The following DLG2 variants were observed in gnomAD, a reference collection of about 807,000 sequenced individuals.
The protein encoded by DLG2 is discs large MAGUK scaffold protein 2, also known as disks large homolog 2.
A neutral mutation model predicts 132.5 loss-of-function variants in DLG2; 45 were observed. The ratio of observed to expected loss-of-function variants is 0.34; its 90% CI spans 0.27 to 0.44. The LOEUF (loss-of-function observed/expected upper bound fraction) is 0.44. DLG2 is among the 20% of genes least tolerant of loss of function. DLG2 has a pLI of 1.00. For synonymous variants in DLG2, 424 were observed against 419.6 expected (o/e 1.01, Z -0.13); for missense variants, 1,045 against 1,196.9 (o/e 0.87, Z 1.87).
chr11:83,940,853 G>C (rs1326062715), intron 14 of DLG2, among the ~76,000 whole-genome samples: 2 of 152,260 alleles, frequency 1.3e-5, no homozygotes, highest in Admixed American at 6.5e-5. Context: ...AGGGCCTTAC[G>C]AGTATTAGAC....
chr11:84,380,253 A>C (rs2154433741), intron 7 of DLG2, among the ~76,000 whole-genome samples: 1 of 147,652 alleles, frequency 6.8e-6, no homozygotes, highest in Admixed American at 6.6e-5. Flanking sequence ...GAGTAGCATA[A>C]GTGGGAGTCT....
chr11:85,530,502 T>G (rs2075130294), intron 3 of DLG2, among the ~76,000 whole-genome samples: 2 of 151,676 alleles, frequency 1.3e-5, no homozygotes, highest in African/African-American at 4.8e-5. Context: ...TTTGTATTTT[T>G]AGTAGAAATG....
chr11:84,418,053 T>A (rs1167717439), intron 7 of DLG2, among the ~76,000 whole-genome samples: 4 of 152,194 alleles, frequency 2.6e-5, no homozygotes, highest in African/African-American at 9.7e-5. Context: ...TTATAACTAA[T>A]CTTAAGATAA....
chr11:84,444,537 C>T (rs2154478899), intron 7 of DLG2, among the ~76,000 whole-genome samples: 1 of 151,804 alleles, frequency 6.6e-6, no homozygotes, highest in African/African-American at 2.4e-5. Flanking sequence ...AATGCTTTTC[C>T]TTTTCCTTAC....
chr11:84,082,068 G>A (rs2096912492), intron 10 of DLG2, among the ~76,000 whole-genome samples: 1 of 152,122 alleles, frequency 6.6e-6, no homozygotes, highest in African/African-American at 2.4e-5. Flanking sequence ...TTTCTCTGAT[G>A]ACCAGTGATG....
intron 6 of DLG2, among the ~76,000 whole-genome samples, chr11:85,028,399 T>G (rs1045854758): frequency 6.6e-6 from 1 of 152,154 alleles, no homozygotes; most frequent in Non-Finnish European, 1.5e-5. Flanking sequence ...AGGCCGTTCT[T>G]GGCTTGAAGG....
rs910761736 is a variant in DLG2 at position 83,822,904 on chromosome 11, T to C, written c.1722+10710A>G. ...AGTTAGCGTTAGAGGTAAGGGAGCT[T>C]GTCATGAAAGAAGGAGGCCTATACC... On this transcript the variant is annotated intron_variant, in intron 17 of 27. Coordinates refer to ENST00000376104, the MANE Select transcript of DLG2 (RefSeq NM_001142699.3). 3.5e-4 allele frequency among the ~76,000 whole-genome samples: 53 copies of C among 152,176 alleles called. 1 individual carries two copies. The highest frequency in any genetic ancestry group is 1.2e-3 in the African/African-American group (48 of 41,496).
chr11:84,175,938 G>A (rs1331882944), intron 8 of DLG2, among the ~76,000 whole-genome samples: 1 of 151,970 alleles, frequency 6.6e-6, no homozygotes, highest in Non-Finnish European at 1.5e-5. Flanking sequence ...CCGAATGTCT[G>A]GCCCAGGTGA....
intron 18 of DLG2, among the ~76,000 whole-genome samples, chr11:83,722,741 T>C (rs2088968188): frequency 6.6e-6 from 1 of 152,180 alleles, no homozygotes; most frequent in African/African-American, 2.4e-5. Flanking sequence ...GAATAAACTT[T>C]CTTAAAATCA....
At chr11:85,442,365 A>T (rs950383272) in intron 3 of DLG2, among the ~76,000 whole-genome samples, 13 of 152,192 alleles carry the variant, frequency 8.5e-5, no homozygotes, top group African/African-American at 3.1e-4. Flanking sequence ...TAGCAGTGGC[A>T]TATACAAGAA....
intron 5 of DLG2, among the ~76,000 whole-genome samples, chr11:85,113,830 A>T (rs1010107143): frequency 6.6e-6 from 1 of 151,996 alleles, no homozygotes; most frequent in Non-Finnish European, 1.5e-5. Context: ...CAAGAATTTA[A>T]TATTTGGTTT....
chr11:84,194,697 A>G (rs956325219), intron 8 of DLG2, among the ~76,000 whole-genome samples: 1 of 152,174 alleles, frequency 6.6e-6, no homozygotes, highest in African/African-American at 2.4e-5. Flanking sequence ...AAAGTTCTCC[A>G]AGTCTCAACC....
intron 4 of DLG2, among the ~76,000 whole-genome samples, chr11:85,174,212 T>G (rs2079066835): frequency 6.6e-6 from 1 of 152,166 alleles, no homozygotes; most frequent in Non-Finnish European, 1.5e-5. Context: ...ATTGATCACA[T>G]AAATGGAAGT....
chr11:84,928,958 A>ATGTGTGTGTG lies in DLG2; in HGVS notation c.357+182693_357+182702dup, dbSNP rs1186822886. Reference sequence around the variant, plus strand: ...TGCAATACTTATAATACTCTCTGATATGTGTGTGTGTGTGTGTGTGTGTGT... The same window carrying ATGTGTGTGTG: ...TGCAATACTTATAATACTCTCTGATATGTGTGTGTGTGTGTGTGTGTGTGTGTGTGTGTGT... On this transcript the variant is annotated intron_variant, in intron 6 of 27. Transcript: ENST00000376104. Among the ~76,000 whole-genome samples the ATGTGTGTGTG allele has an allele frequency of 1.8e-3, 95 of 52,854 alleles. 3 individuals are homozygous for ATGTGTGTGTG. The highest frequency in any genetic ancestry group is 5.7e-3 in the African/African-American group (67 of 11,764). The allele number at this position is 52,854 out of a possible 152,430, so 34.7% of individuals were successfully genotyped here. A position where few individuals can be genotyped will look rare whatever the true frequency, so the allele number is the denominator to read the frequency against.
chr11:84,575,441 G>A (rs1444539537), intron 6 of DLG2, among the ~76,000 whole-genome samples: 1 of 151,966 alleles, frequency 6.6e-6, no homozygotes, highest in Non-Finnish European at 1.5e-5. Context: ...AGGCAGCTTG[G>A]TATTATCCTT....
intron 8 of DLG2, among the ~76,000 whole-genome samples, chr11:84,207,755 C>T (rs1018982242): frequency 6.6e-6 from 1 of 152,110 alleles, no homozygotes; most frequent in African/African-American, 2.4e-5. Context: ...ATCCAACTCA[C>T]TAACCATAAA....
chr11:85,548,319 T>A (rs796237552), intron 3 of DLG2, among the ~76,000 whole-genome samples: 1 of 152,102 alleles, frequency 6.6e-6, no homozygotes, highest in Non-Finnish European at 1.5e-5. Flanking sequence ...CTGGTGGAGG[T>A]TGCAGAACAG....
chr11:83,950,857 A>G (rs2085234909), intron 14 of DLG2, among the ~76,000 whole-genome samples: 1 of 152,100 alleles, frequency 6.6e-6, no homozygotes, highest in African/African-American at 2.4e-5. Flanking sequence ...CATAGCTTTC[A>G]GTACTGCTCT....
chr11:85,373,949 A>G (rs905881828), intron 3 of DLG2, among the ~76,000 whole-genome samples: 1 of 152,172 alleles, frequency 6.6e-6, no homozygotes, highest in Non-Finnish European at 1.5e-5. Context: ...ATATTATGAT[A>G]GCCACTTTTC....
Sources: gnomAD v4.1 joint callset for allele counts (sites outside exome capture counted in the v4.1 genomes callset) on GRCh38, gnomAD v4.1.1 for gene constraint, MANE v1.5 for transcripts, NCBI Gene and HGNC (gene_info 2026-07-23, HGNC 2026-07-21) for gene names.